KHDRBS2: variants seen among roughly 807,000 people sequenced by gnomAD.
KHDRBS2 encodes KH domain-containing, RNA-binding, signal transduction-associated protein 2.
KHDRBS2 carries 26 observed loss-of-function variants against 44.3 expected under a neutral mutation model. That is an observed-to-expected ratio of 0.59 (90% CI 0.43 to 0.81). The LOEUF is 0.81. Among genes scored for constraint, KHDRBS2 ranks in the 40% least tolerant of loss-of-function variants. The pLI is 0.00. For synonymous variants in KHDRBS2, 194 were observed against 151.1 expected (o/e 1.28, Z -2.08); for missense variants, 476 against 433.1 (o/e 1.10, Z -0.88).
At chr6:62,028,822 A>G (rs921637216) in intron 3 of KHDRBS2, among the ~76,000 whole-genome samples, 2 of 152,112 alleles carry the variant, frequency 1.3e-5, no homozygotes, top group African/African-American at 4.8e-5. Flanking sequence ...TTTCAGAGAA[A>G]GTGAAAATTT....
intron 2 of KHDRBS2, among the ~76,000 whole-genome samples, chr6:62,113,144 G>A (rs185766179): frequency 8.5e-5 from 13 of 152,154 alleles, no homozygotes; most frequent in African/African-American, 2.6e-4. Context: ...CACTATAAGA[G>A]CCACATATTA....
intron 6 of KHDRBS2, among the ~76,000 whole-genome samples, chr6:61,853,609 C>T (rs889317072): frequency 3.5e-4 from 53 of 152,178 alleles, no homozygotes; most frequent in African/African-American, 1.2e-3. Flanking sequence ...GACATGTCAT[C>T]TGAAGTAAGA....
At chr6:62,250,770 A>G (rs1166012855) in intron 1 of KHDRBS2, among the ~76,000 whole-genome samples, 1 of 152,084 alleles carries the variant, frequency 6.6e-6, no homozygotes, top group Admixed American at 6.6e-5. Context: ...GTTGTAAGGG[A>G]GAAAAAAATA....
At chr6:62,129,339 C>A (rs778419311) in intron 2 of KHDRBS2, among the ~76,000 whole-genome samples, 10 of 151,974 alleles carry the variant, frequency 6.6e-5, no homozygotes, top group Non-Finnish European at 1.2e-4. Flanking sequence ...CTGACAACAT[C>A]CATCACAGGT....
intron 6 of KHDRBS2, among the ~76,000 whole-genome samples, chr6:61,884,500 A>G (rs1800642044): frequency 2.0e-5 from 3 of 152,082 alleles, no homozygotes; most frequent in African/African-American, 7.2e-5. Context: ...TGTTTTGTCT[A>G]CCTGAAGTGT....
intron 4 of KHDRBS2, among the ~76,000 whole-genome samples, chr6:61,955,159 T>C (rs1220116161): frequency 6.9e-6 from 1 of 145,434 alleles, no homozygotes; most frequent in Admixed American, 6.8e-5. Flanking sequence ...TGTGTATGTA[T>C]GTATACATAT....
At chr6:62,194,428 T>C (rs1825223897) in intron 1 of KHDRBS2, among the ~76,000 whole-genome samples, 1 of 149,780 alleles carries the variant, frequency 6.7e-6, no homozygotes, top group African/African-American at 2.4e-5. Context: ...TATATTGATC[T>C]ACATGTCTGT....
chr6:62,004,598 C>G (rs1417623609), intron 3 of KHDRBS2, among the ~76,000 whole-genome samples: 1 of 152,126 alleles, frequency 6.6e-6, no homozygotes, highest in Non-Finnish European at 1.5e-5. Flanking sequence ...GGAGCTGGTA[C>G]CATTCCTTCT....
At chr6:62,072,087 T>G (rs2127346124) in intron 2 of KHDRBS2, among the ~76,000 whole-genome samples, 1 of 152,330 alleles carries the variant, frequency 6.6e-6, no homozygotes, top group Non-Finnish European at 1.5e-5. Flanking sequence ...CTAGGTATTT[T>G]ATTCTCTTTG....
chr6:62,040,473 T>C (rs1786231717), intron 3 of KHDRBS2, among the ~76,000 whole-genome samples: 1 of 152,168 alleles, frequency 6.6e-6, no homozygotes, highest in Middle Eastern at 3.4e-3. Flanking sequence ...ATTTAGGTAG[T>C]GTACCATGAA....
the KHDRBS2 span, among the ~76,000 whole-genome samples, chr6:61,667,936 T>C: frequency 6.6e-6 from 1 of 151,218 alleles, no homozygotes; most frequent in African/African-American, 2.4e-5. Flanking sequence ...AAATTAGTGG[T>C]TATCTCCTAC....
chr6:62,251,544 C>T (rs1395932395), intron 1 of KHDRBS2, among the ~76,000 whole-genome samples: 7 of 151,310 alleles, frequency 4.6e-5, no homozygotes, highest in Admixed American at 4.6e-4. Context: ...CAGTCCAAAT[C>T]CAAAGTCCCT....
the KHDRBS2 span, among the ~76,000 whole-genome samples, chr6:61,602,798 C>T: frequency 6.6e-6 from 1 of 152,154 alleles, no homozygotes; most frequent in African/African-American, 2.4e-5. Flanking sequence ...ACTCTGGTGC[C>T]AACTTAGACA....
chr6:61,788,862 A>G lies in KHDRBS2; in HGVS notation c.811-56098T>C, dbSNP rs1391577682. Among the ~76,000 whole-genome samples, 3 of 151,184 alleles carry G rather than the reference A, an allele frequency of 2.0e-5. No homozygotes were observed. In the East Asian group the frequency reaches 5.8e-4, roughly 29 times the overall value. On this transcript the variant is annotated intron_variant, in intron 6 of 8. Coordinates refer to ENST00000281156, the MANE Select transcript of KHDRBS2 (RefSeq NM_152688.4). ...GATGCCTGAAAAAAATCTATACAAA[A>G]TTTTCCAATAAATTTTAAAAATATA...
rs1356552669 is a variant in KHDRBS2 at position 62,157,245 on chromosome 6, C to A, written c.219+19940G>T. On this transcript the variant is annotated intron_variant, in intron 2 of 8. Transcript: ENST00000281156. ...GGCTGTGGCAGGAGAATCCCTTGAA[C>A]CCAGGAGGGGGAGGTTGCAGTCAGT... Among the ~76,000 whole-genome samples, 10 of 151,618 alleles carry A rather than the reference C, an allele frequency of 6.6e-5. No individual in the cohort carries two copies. The Middle Eastern group carries it at 0.01, about 155-fold the overall frequency.
chr6:62,147,488 A>AT (rs923591164), intron 2 of KHDRBS2, among the ~76,000 whole-genome samples: 193 of 149,622 alleles, frequency 1.3e-3, no homozygotes, highest in East Asian at 3.3e-3. Flanking sequence ...TTTCCTCAGT[A>AT]TTTTTTTTTT....
intron 4 of KHDRBS2, among the ~76,000 whole-genome samples, chr6:61,968,843 C>G (rs976323869): frequency 2.6e-5 from 4 of 151,954 alleles, no homozygotes; most frequent in Non-Finnish European, 5.9e-5. Context: ...TTAGTATCCT[C>G]ACTGGTAAAA....
intron 7 of KHDRBS2, among the ~76,000 whole-genome samples, chr6:61,718,310 T>TTGGGGATATGAGTA (rs1229305630): frequency 6.6e-6 from 1 of 152,128 alleles, no homozygotes; most frequent in East Asian, 1.9e-4. Flanking sequence ...TCACTGTATA[T>TTGGGGATATGAGTA]TCTTTCTTTT....
chr6:62,182,232 A>G (rs576548356), intron 1 of KHDRBS2, among the ~76,000 whole-genome samples: 3 of 152,038 alleles, frequency 2.0e-5, no homozygotes, highest in Non-Finnish European at 4.4e-5. Flanking sequence ...CTAAGAGACC[A>G]TAAATTTATA....
Sources: allele counts gnomAD v4.1 joint callset (sites outside exome capture counted in the v4.1 genomes callset), GRCh38; gene constraint gnomAD v4.1.1; transcripts MANE v1.5; gene names NCBI Gene and HGNC (gene_info 2026-07-23, HGNC 2026-07-21).